Variants in HYDIN observed in about 807,000 individuals in gnomAD.
HYDIN encodes HYDIN axonemal central pair apparatus protein, also known as axonemal central pair apparatus protein HYDIN.
In HYDIN, 132 loss-of-function variants were observed where a neutral mutation model predicts 403.9. The ratio of observed to expected loss-of-function variants is 0.33; its 90% CI spans 0.28 to 0.38. HYDIN has a LOEUF of 0.38. Ranked by LOEUF, HYDIN falls within the 10% of genes least tolerant of loss-of-function variation. The pLI, the probability that HYDIN is intolerant of heterozygous loss-of-function variation, is 1.00. For synonymous variants in HYDIN, 1,202 were observed against 1,891.7 expected (o/e 0.64, Z 9.46); for missense variants, 2,827 against 5,009.5 (o/e 0.56, Z 13.15).
At chr16:70,917,084 G>A (rs1314538442) in intron 47 of HYDIN, among the ~76,000 whole-genome samples, 6 of 151,926 alleles carry the variant, frequency 3.9e-5, no homozygotes, top group African/African-American at 1.2e-4. Context: ...CACCATGCCC[G>A]GCTAATTTTT....
chr16:71,143,851 A>G (rs2085264199), intron 7 of HYDIN, among the ~76,000 whole-genome samples: 1 of 152,312 alleles, frequency 6.6e-6, no homozygotes. Context: ...AAAGCTTACT[A>G]GAGTAAAATA....
chr16:70,834,125 G>A lies in HYDIN; in HGVS notation c.13441C>T (p.Pro4481Ser). ...ACTTCCAGTTTACAGACTTCTTTGG[G>A]CTTCAGTGTGATGTTGTGGAAGGGC... ...LAPFHNITLK[P>S]KEVCKLEVIF... Residue 4481 changes from proline (P) to serine (S), a missense_variant, in exon 79 of 86, where the codon CCC becomes TCC. Transcript: ENST00000393567. 3 of 1,613,718 alleles carry A rather than the reference G, an allele frequency of 1.9e-6. No homozygotes were observed. The highest frequency in any genetic ancestry group is 4.5e-5 in the East Asian group (2 of 44,832).
Position 70,862,243 on chromosome 16 carries a change from T to C in HYDIN, c.11582A>G (p.Lys3861Arg). ...CATCGTGCCCTGACTAAGCTGATCTTTTTGAGCTGAACCTGGGGACAGACA... is the reference window on the plus strand; with the variant it reads ...CATCGTGCCCTGACTAAGCTGATCTCTTTGAGCTGAACCTGGGGACAGACA... ...AKPDHQGSAQ[K>R]DQLSQGTMHT... Residue 3861 changes from lysine to arginine, a missense_variant, in exon 69 of 86, where the codon AAA becomes AGA. Lys to Arg is a conservative substitution (Grantham distance 26). Transcript: ENST00000393567. 6.2e-7 allele frequency: 1 copy of C among 1,612,052 alleles called. No individual in the cohort carries two copies. Among genetic ancestry groups the C allele is most frequent in the Non-Finnish European group, 8.5e-7 (1 of 1,179,742 alleles).
chr16:71,004,078 G>A (rs1396182635), intron 23 of HYDIN, among the ~76,000 whole-genome samples: 1 of 151,464 alleles, frequency 6.6e-6, no homozygotes, highest in Non-Finnish European at 1.5e-5. Flanking sequence ...ACTTTGGGAG[G>A]CTGAGGTGGG....
intron 1 of HYDIN, among the ~76,000 whole-genome samples, chr16:71,191,084 T>C (rs186714630): frequency 2.2e-3 from 332 of 152,320 alleles, no homozygotes; most frequent in South Asian, 0.015. Context: ...GTTTGGATTA[T>C]GATTTTAAAA....
intron 23 of HYDIN, among the ~76,000 whole-genome samples, chr16:71,010,699 C>T (rs1204164043): frequency 1.3e-5 from 2 of 152,244 alleles, no homozygotes; most frequent in African/African-American, 4.8e-5. Context: ...CCCTGAGCTA[C>T]CCAGGGACAG....
At chr16:71,093,721 T>G (rs2083185897) in intron 11 of HYDIN, 96 bp downstream of exon 11, 1 of 1,414,520 alleles carries the variant, frequency 7.1e-7, no homozygotes, top group African/African-American at 1.5e-5. Context: ...TAAATGTGAT[T>G]GCATACTCTT....
chr16:70,836,564 G>A (rs111389419), intron 77 of HYDIN, among the ~76,000 whole-genome samples: 7 of 152,310 alleles, frequency 4.6e-5, no homozygotes, highest in African/African-American at 1.7e-4. Context: ...AAGTCCTCAG[G>A]TAAGACACTG....
chr16:70,922,820 T>C (rs892082340), intron 45 of HYDIN, among the ~76,000 whole-genome samples: 1 of 131,602 alleles, frequency 7.6e-6, no homozygotes, highest in African/African-American at 2.9e-5. Context: ...CAAGTTGGAG[T>C]GTAGTGGTAT....
At chr16:70,836,311 A>T (rs959118715) in intron 77 of HYDIN, among the ~76,000 whole-genome samples, 1 of 152,100 alleles carries the variant, frequency 6.6e-6, no homozygotes, top group Non-Finnish European at 1.5e-5. Flanking sequence ...TGAGAAGATG[A>T]CTTCAGAGAG....
chr16:71,156,471 G>A (rs2085771642), intron 6 of HYDIN, among the ~76,000 whole-genome samples: 1 of 152,120 alleles, frequency 6.6e-6, no homozygotes, highest in African/African-American at 2.4e-5. Flanking sequence ...TTACAAAGAA[G>A]TAAAAGGTGT....
At chr16:71,040,495 C>A (rs1040103961) in intron 18 of HYDIN, among the ~76,000 whole-genome samples, 1 of 145,608 alleles carries the variant, frequency 6.9e-6, no homozygotes, top group Non-Finnish European at 1.5e-5. Flanking sequence ...GCACCCCCCT[C>A]CCCCCCACAC....
rs551785550 is a variant in HYDIN, at chr16:70,992,742, G to C, written c.3645-532C>G. ...ACAATGTGACCTCAGTGCCTTGCTTGCCACACCCTAGTCCTGGTCCCACCA... is the reference window on the plus strand; with the variant it reads ...ACAATGTGACCTCAGTGCCTTGCTTCCCACACCCTAGTCCTGGTCCCACCA... On this transcript the variant is annotated intron_variant, in intron 23 of 85. Transcript: ENST00000393567. 4.6e-5 allele frequency among the ~76,000 whole-genome samples: 7 copies of C among 152,118 alleles called. No homozygotes were observed. The East Asian group carries it at 7.8e-4, about 17-fold the overall frequency.
At chr16:71,141,587 G>A (rs1025472981) in intron 7 of HYDIN, among the ~76,000 whole-genome samples, 8 of 151,916 alleles carry the variant, frequency 5.3e-5, no homozygotes, top group African/African-American at 1.9e-4. Context: ...GATAGCACTA[G>A]TAATAAAAGA....
At chr16:70,924,016 A>T (rs2143824923) in intron 45 of HYDIN, among the ~76,000 whole-genome samples, 2 of 151,988 alleles carry the variant, frequency 1.3e-5, no homozygotes, top group Admixed American at 1.3e-4. Context: ...TAGAAATAAT[A>T]CAAGTATAAC....
intron 18 of HYDIN, among the ~76,000 whole-genome samples, chr16:71,059,043 A>G (rs1314979882): frequency 6.6e-6 from 1 of 152,226 alleles, no homozygotes; most frequent in Non-Finnish European, 1.5e-5. Context: ...GCGTTAATCG[A>G]CTGTTATTGG....
At chr16:70,822,688 C>T (rs943388138) in intron 83 of HYDIN, among the ~76,000 whole-genome samples, 3 of 152,200 alleles carry the variant, frequency 2.0e-5, no homozygotes, top group African/African-American at 4.8e-5. Context: ...CAGTCACCCC[C>T]ACCTTCAGTA....
At chr16:70,882,429 C>T (rs12446051) in intron 60 of HYDIN, among the ~76,000 whole-genome samples, 2 of 152,356 alleles carry the variant, frequency 1.3e-5, no homozygotes, top group East Asian at 1.9e-4. Flanking sequence ...TGGAGGAATG[C>T]GGTTTGCTCG....
intron 3 of HYDIN, among the ~76,000 whole-genome samples, chr16:71,183,841 G>A (rs990055081): frequency 5.3e-5 from 8 of 152,096 alleles, no homozygotes; most frequent in African/African-American, 1.9e-4. Flanking sequence ...GGAGAGGAGA[G>A]AAAGTGTAAA....
Sources: gnomAD v4.1 joint callset for allele counts (sites outside exome capture counted in the v4.1 genomes callset) on GRCh38, gnomAD v4.1.1 for gene constraint, MANE v1.5 for transcripts, NCBI Gene and HGNC (gene_info 2026-07-23, HGNC 2026-07-21) for gene names.